PSD2: variants seen among roughly 807,000 people sequenced by gnomAD.
PSD2 encodes PH and SEC7 domain-containing protein 2.
PSD2 carries 38 observed loss-of-function variants against 69.8 expected under a neutral mutation model. The observed-to-expected ratio is 0.54, with a 90% CI of 0.42 to 0.71. The LOEUF (loss-of-function observed/expected upper bound fraction) is 0.71, where lower values mean the gene tolerates loss of function less well. PSD2 is among the 30% of genes least tolerant of loss of function. PSD2 has a pLI of 0.00. For synonymous variants in PSD2, 412 were observed against 423.0 expected, an observed-to-expected ratio of 0.97 and a Z score of 0.32; for missense variants, 943 against 1,014.5, an observed-to-expected ratio of 0.93 and a Z score of 0.96.
chr5:139,778,615 C>G, the PSD2 span, among the ~76,000 whole-genome samples: 1 of 152,150 alleles, frequency 6.6e-6, no homozygotes, highest in Non-Finnish European at 1.5e-5. Flanking sequence ...CCACATCCAT[C>G]TTTATTTTCT....
the PSD2 span, among the ~76,000 whole-genome samples, chr5:139,756,726 G>C: frequency 1.1e-4 from 17 of 152,178 alleles, no homozygotes; most frequent in Admixed American, 1.1e-3. Context: ...GGGCTTGAGA[G>C]GGGGCGGGCA....
chr5:139,838,805 C>A, intron 13 of PSD2, 33 bp downstream of exon 13: 1 of 1,596,938 alleles, frequency 6.3e-7, no homozygotes. Context: ...TTTGCCTCCC[C>A]AGGCTGCCAT....
At position 139,843,771 on chromosome 5, in the gene PSD2, T is replaced by G. The variant is rs17286543; in HGVS notation, c.*1297T>G. On this transcript the variant is annotated 3_prime_UTR_variant, in exon 15 of 15. Transcript: ENST00000274710. ...TGACGATCACGGATTAGCTAGCACC[T>G]TTAAGCCCTGCATTTCTCCAACTGA... 1,208 of 152,374 alleles carry G rather than the reference T, an allele frequency of 7.9e-3. 11 individuals carry two copies. Among genetic ancestry groups the G allele is most frequent in the Admixed American group, 0.019 (297 of 15,306 alleles). 9.4% of individuals were successfully genotyped at this position (152,374 alleles called of 1,614,324 possible). A position where few individuals can be genotyped will look rare whatever the true frequency, so the allele number is the denominator to read the frequency against.
At chr5:139,796,100 G>A (rs1435981341) in intron 1 of PSD2, 125 bp downstream of exon 1, 1 of 152,076 alleles carries the variant, frequency 6.6e-6, no homozygotes, top group African/African-American at 2.4e-5. Flanking sequence ...GTGCCCACCC[G>A]GGTCCGCTAA....
At chr5:139,773,073 T>C in the PSD2 span, 1 of 152,360 alleles carries the variant, frequency 6.6e-6, no homozygotes, top group East Asian at 1.9e-4. Flanking sequence ...CTTAACCTTT[T>C]TTAAGTATAC....
the PSD2 span, among the ~76,000 whole-genome samples, chr5:139,763,841 G>A: frequency 6.6e-6 from 1 of 152,162 alleles, no homozygotes; most frequent in African/African-American, 2.4e-5. Flanking sequence ...GTCGACTTGC[G>A]TTTTCTCCCA....
rs201266914 is a variant in PSD2 at position 139,809,604 on chromosome 5, C to A, written c.164C>A (p.Ala55Glu). 6.2e-7 allele frequency: 1 copy of A among 1,614,242 alleles called. No homozygotes were observed. The highest frequency in any genetic ancestry group is 1.1e-5 in the South Asian group (1 of 91,090). Reference protein sequence around the residue: ...SPGHERRGTPADTEEPTKDPD... With the variant: ...SPGHERRGTPEDTEEPTKDPD... ...GGGCACGAGCGAAGGGGCACCCCAG[C>A]GGACACTGAGGAACCCACGAAGGAC... The change falls in exon 2 of 15, where the codon GCG becomes GAG. Residue 55 changes from alanine to glutamate, a missense_variant. Coordinates refer to ENST00000274710, the MANE Select transcript of PSD2 (RefSeq NM_032289.4).
the PSD2 span, among the ~76,000 whole-genome samples, chr5:139,766,589 T>C: frequency 6.6e-6 from 1 of 152,196 alleles, no homozygotes; most frequent in Non-Finnish European, 1.5e-5. Context: ...GGACCCTCCA[T>C]GGTTAGATCT....
intron 7 of PSD2, among the ~76,000 whole-genome samples, chr5:139,826,397 G>A (rs1760421285): frequency 6.6e-6 from 1 of 152,208 alleles, no homozygotes; most frequent in African/African-American, 2.4e-5. Context: ...AAGGGACAGT[G>A]GAAGCTTCCC....
chr5:139,780,952 C>T, the PSD2 span, among the ~76,000 whole-genome samples: 2 of 152,134 alleles, frequency 1.3e-5, no homozygotes. Flanking sequence ...GTAACTTGCC[C>T]AAGTTGACTC....
upstream of PSD2, among the ~76,000 whole-genome samples, chr5:139,794,552 A>C (rs577595114): frequency 6.6e-6 from 1 of 152,332 alleles, no homozygotes; most frequent in Admixed American, 6.5e-5. Flanking sequence ...TTCATGAAGG[A>C]AGGGGCATTT....
At chr5:139,754,349 T>C in the PSD2 span, among the ~76,000 whole-genome samples, 44 of 152,118 alleles carry the variant, frequency 2.9e-4, no homozygotes, top group Admixed American at 1.3e-3. Context: ...GTAGGATCAC[T>C]TGAGCCCAGG....
At chr5:139,807,853 C>T (rs549914661) in intron 1 of PSD2, among the ~76,000 whole-genome samples, 8 of 152,334 alleles carry the variant, frequency 5.3e-5, no homozygotes, top group African/African-American at 1.4e-4. Context: ...AGTGTTCCCA[C>T]ACTTGCCTCG....
the PSD2 span, among the ~76,000 whole-genome samples, chr5:139,755,319 G>A: frequency 6.6e-6 from 1 of 152,112 alleles, no homozygotes; most frequent in African/African-American, 2.4e-5. Flanking sequence ...GGCTGAGAGG[G>A]TATATAGGGT....
At chr5:139,752,976 T>C in the PSD2 span, among the ~76,000 whole-genome samples, 1 of 127,720 alleles carries the variant, frequency 7.8e-6, no homozygotes, top group Non-Finnish European at 1.6e-5. Context: ...CACAGGCCCC[T>C]TTGAGGGAGA....
chr5:139,787,899 A>C, the PSD2 span, among the ~76,000 whole-genome samples: 1 of 152,184 alleles, frequency 6.6e-6, no homozygotes, highest in Admixed American at 6.5e-5. Flanking sequence ...AAAGTTGAGG[A>C]AATACCCGGG....
chr5:139,819,178 T>A (rs982556674), intron 5 of PSD2, among the ~76,000 whole-genome samples: 1 of 152,272 alleles, frequency 6.6e-6, no homozygotes, highest in Admixed American at 6.5e-5. Flanking sequence ...AGAGAGGGTT[T>A]ACGTTGTCCT....
chr5:139,807,723 T>A (rs916900232), intron 1 of PSD2, among the ~76,000 whole-genome samples: 3 of 152,144 alleles, frequency 2.0e-5, no homozygotes, highest in African/African-American at 7.2e-5. Context: ...GGTTAAATAA[T>A]CTTAACTGGA....
At chr5:139,811,568 A>G (rs1759961523) in intron 2 of PSD2, among the ~76,000 whole-genome samples, 1 of 151,834 alleles carries the variant, frequency 6.6e-6, no homozygotes, top group Admixed American at 6.6e-5. Context: ...TGCTGGCTCT[A>G]TCTTCCATCT....
Sources: allele counts gnomAD v4.1 joint callset (sites outside exome capture counted in the v4.1 genomes callset), GRCh38; gene constraint gnomAD v4.1.1; transcripts MANE v1.5; gene names NCBI Gene and HGNC (gene_info 2026-07-23, HGNC 2026-07-21).